CCDC149: variants seen among roughly 807,000 people sequenced by gnomAD.
The protein encoded by CCDC149 is coiled-coil domain containing 149.
In CCDC149, 45 loss-of-function variants were observed where a neutral mutation model predicts 59.9. The observed-to-expected ratio is 0.75, with a 90% CI of 0.59 to 0.96. The LOEUF (loss-of-function observed/expected upper bound fraction) is 0.96, where lower values mean the gene tolerates loss of function less well. CCDC149 is among the 40% of genes least tolerant of loss of function. CCDC149 has a pLI of 0.00. For synonymous variants in CCDC149, 245 were observed against 260.6 expected, an observed-to-expected ratio of 0.94 and a Z score of 0.58; for missense variants, 584 against 664.7, an observed-to-expected ratio of 0.88 and a Z score of 1.33.
chr4:24,929,525 CT>C (rs1722525599), intron 1 of CCDC149, among the ~76,000 whole-genome samples: 1 of 152,228 alleles, frequency 6.6e-6, no homozygotes, highest in South Asian at 2.1e-4. Flanking sequence ...TGAATAGCCT[CT>C]CTCAGAAATG....
At chr4:24,949,254 T>G (rs61793808) in intron 1 of CCDC149, among the ~76,000 whole-genome samples, 4,550 of 152,272 alleles carry the variant, frequency 0.03, 101 homozygotes, top group Non-Finnish European at 0.05. Context: ...CTGGGACAGA[T>G]GCACTCGGAG....
chr4:24,809,481 C>T (rs1196854077), intron 12 of CCDC149, among the ~76,000 whole-genome samples: 4 of 152,350 alleles, frequency 2.6e-5, no homozygotes, highest in East Asian at 3.9e-4. Flanking sequence ...TGACATCCAG[C>T]CCTCATTTCC....
At chr4:24,869,135 C>T (rs1047258050) in intron 3 of CCDC149, among the ~76,000 whole-genome samples, 1 of 152,186 alleles carries the variant, frequency 6.6e-6, no homozygotes, top group Admixed American at 6.5e-5. Context: ...CACTGTCTAC[C>T]CCGCACCCCT....
intron 1 of CCDC149, among the ~76,000 whole-genome samples, chr4:24,920,550 A>G (rs1242879586): frequency 2.0e-5 from 3 of 152,182 alleles, no homozygotes; most frequent in Non-Finnish European, 2.9e-5. Context: ...ACCATATCCT[A>G]TTGGTCAAAG....
At chr4:24,943,791 C>T (rs1446202731) in intron 1 of CCDC149, among the ~76,000 whole-genome samples, 1 of 152,156 alleles carries the variant, frequency 6.6e-6, no homozygotes, top group African/African-American at 2.4e-5. Context: ...ACATTTATGT[C>T]GCCAAAAAAC....
chr4:24,917,370 G>A (rs191703605), upstream of CCDC149, among the ~76,000 whole-genome samples: 209 of 152,356 alleles, frequency 1.4e-3, no homozygotes, highest in Non-Finnish European at 1.7e-3. Flanking sequence ...GGCTGAGTGG[G>A]GCTGATGACG....
chr4:24,838,322 T>C, intron 4 of CCDC149, 50 bp from the exon 5 acceptor site: 1 of 1,410,814 alleles, frequency 7.1e-7, no homozygotes, highest in South Asian at 1.2e-5. Context: ...AATAAACAGA[T>C]CCAAATAAAA....
chr4:24,969,203 C>T (rs1455396131), intron 1 of CCDC149, among the ~76,000 whole-genome samples: 1 of 152,180 alleles, frequency 6.6e-6, no homozygotes, highest in Non-Finnish European at 1.5e-5. Flanking sequence ...ACACAAGTAA[C>T]GATAGGGTGA....
intron 1 of CCDC149, among the ~76,000 whole-genome samples, chr4:24,925,916 C>T (rs548352539): frequency 5.3e-5 from 8 of 152,212 alleles, no homozygotes; most frequent in South Asian, 4.1e-4. Flanking sequence ...CATTCTTGGC[C>T]GGGCATGGTG....
chr4:24,920,414 C>T (rs1358666952), intron 1 of CCDC149, among the ~76,000 whole-genome samples: 1 of 152,228 alleles, frequency 6.6e-6, no homozygotes, highest in Non-Finnish European at 1.5e-5. Flanking sequence ...ACCAAGGGAG[C>T]TTCTCACAAC....
intron 3 of CCDC149, among the ~76,000 whole-genome samples, chr4:24,860,542 A>C (rs1477830162): frequency 6.6e-6 from 1 of 152,154 alleles, no homozygotes; most frequent in Non-Finnish European, 1.5e-5. Context: ...AGGCAAATAC[A>C]TCATGACCAG....
rs750022280 is a variant in CCDC149 at position 24,876,639 on chromosome 4, T to C, written c.122A>G (p.Lys41Arg). The C allele has an allele frequency of 7.4e-6, 12 of 1,614,056 alleles. No homozygotes were observed. The East Asian group carries it at 2.5e-4, about 33-fold the overall frequency. ...TTCCTGTTGACAGGTGTCCAGCTCCTTGGAGAGGATCAGCAGGGCTTCCTT... is the reference window on the plus strand; with the variant it reads ...TTCCTGTTGACAGGTGTCCAGCTCCCTGGAGAGGATCAGCAGGGCTTCCTT... The change falls in exon 2 of 13, where the codon AAG (lysine) becomes AGG (arginine). Residue 41 changes from lysine (K) to arginine (R), a missense_variant. Transcript: ENST00000635206.
chr4:24,921,027 A>T (rs1722267980), intron 1 of CCDC149, among the ~76,000 whole-genome samples: 1 of 152,222 alleles, frequency 6.6e-6, no homozygotes, highest in Admixed American at 6.5e-5. Flanking sequence ...GCAGGGGAGT[A>T]GAAAAGAGTG....
At chr4:24,804,439 C>T (rs2006311), downstream of CCDC149, among the ~76,000 whole-genome samples, 8 of 143,932 alleles carry the variant, frequency 5.6e-5, no homozygotes, top group Admixed American at 2.9e-4. Flanking sequence ...TGCAGTGAGC[C>T]GAGATCATGC....
chr4:24,922,922 T>A (rs1028646001), intron 1 of CCDC149, among the ~76,000 whole-genome samples: 1 of 152,220 alleles, frequency 6.6e-6, no homozygotes, highest in African/African-American at 2.4e-5. Context: ...GATTTTCTTT[T>A]TTTTTTATTG....
intron 1 of CCDC149, among the ~76,000 whole-genome samples, chr4:24,893,154 C>T (rs1014975277): frequency 1.3e-5 from 2 of 152,154 alleles, no homozygotes; most frequent in African/African-American, 4.8e-5. Flanking sequence ...CAAACCATAG[C>T]AGGTTCACTC....
At chr4:24,954,306 G>A (rs4235321) in intron 1 of CCDC149, among the ~76,000 whole-genome samples, 75,964 of 151,782 alleles carry the variant, frequency 0.5, 21,971 homozygotes, top group Non-Finnish European at 0.66. Context: ...TTCCAGGCAG[G>A]TGCTGCATGC....
intron 12 of CCDC149, among the ~76,000 whole-genome samples, chr4:24,814,941 A>G (rs574383760): frequency 6.6e-6 from 1 of 152,324 alleles, no homozygotes; most frequent in Non-Finnish European, 1.5e-5. Context: ...TGTCCCAGGG[A>G]TGAACTTCAA....
intron 1 of CCDC149, among the ~76,000 whole-genome samples, chr4:24,941,508 C>T (rs1282897045): frequency 6.6e-6 from 1 of 152,084 alleles, no homozygotes; most frequent in African/African-American, 2.4e-5. Flanking sequence ...AGAGCAAACA[C>T]ATTCAAAAGC....
Sources: allele counts gnomAD v4.1 joint callset (sites outside exome capture counted in the v4.1 genomes callset), GRCh38; gene constraint gnomAD v4.1.1; transcripts MANE v1.5; gene names NCBI Gene and HGNC (gene_info 2026-07-23, HGNC 2026-07-21).